BAG3: variants seen among roughly 807,000 people sequenced by gnomAD.
The protein encoded by BAG3 is BAG family molecular chaperone regulator 3.
Under a neutral mutation model 40.5 loss-of-function variants are expected in BAG3, and 14 were observed. That is an observed-to-expected ratio of 0.35 (90% CI 0.23 to 0.54). The LOEUF (loss-of-function observed/expected upper bound fraction) is 0.54, where lower values mean the gene tolerates loss of function less well. Ranked by LOEUF, BAG3 falls within the 20% of genes least tolerant of loss-of-function variation. The pLI is 0.91. For synonymous variants in BAG3, 302 were observed against 307.8 expected (o/e 0.98, Z 0.20); for missense variants, 788 against 758.6 (o/e 1.04, Z -0.46).
At chr10:119,657,878 C>T (rs944743779) in intron 1 of BAG3, among the ~76,000 whole-genome samples, 1 of 152,144 alleles carries the variant, frequency 6.6e-6, no homozygotes, top group South Asian at 2.1e-4. Flanking sequence ...AATTTTTTTT[C>T]GTGTGGCTGG....
intron 1 of BAG3, among the ~76,000 whole-genome samples, chr10:119,668,621 T>C (rs1368153044): frequency 6.6e-6 from 1 of 152,218 alleles, no homozygotes; most frequent in Non-Finnish European, 1.5e-5. Context: ...CTGGCCAGCC[T>C]TGTTGTCTGA....
At chr10:119,669,059 G>A (rs1296704005) in intron 1 of BAG3, among the ~76,000 whole-genome samples, 2 of 152,234 alleles carry the variant, frequency 1.3e-5, no homozygotes, top group East Asian at 3.8e-4. Flanking sequence ...CCTGGAGGCT[G>A]TGGAAGCTGA....
intron 1 of BAG3, among the ~76,000 whole-genome samples, chr10:119,664,477 T>C (rs550071813): frequency 6.6e-6 from 1 of 152,226 alleles, no homozygotes; most frequent in Admixed American, 6.5e-5. Context: ...GTATAATATG[T>C]GTTCCTGATG....
intron 1 of BAG3, among the ~76,000 whole-genome samples, chr10:119,661,454 A>T (rs907136912): frequency 9.2e-5 from 14 of 152,168 alleles, no homozygotes; most frequent in South Asian, 4.1e-4. Context: ...ACAGCTGGTG[A>T]GCATCAAGGA....
At position 119,662,823 on chromosome 10, in the gene BAG3, G is replaced by A. The variant is rs374205126; in HGVS notation, c.181-7028G>A. 2.4e-4 allele frequency among the ~76,000 whole-genome samples: 36 copies of A among 152,236 alleles called. No individual in the cohort carries two copies. The East Asian group carries it at 2.5e-3, about 11-fold the overall frequency. ...AGGTCAGGAGATCGAGACCATCCTGGCCAATATAGTGAAACCCCGTCTCTA... is the reference window on the plus strand; with the variant it reads ...AGGTCAGGAGATCGAGACCATCCTGACCAATATAGTGAAACCCCGTCTCTA... On this transcript the variant is annotated intron_variant, in intron 1 of 3. Transcript: ENST00000369085.
At position 119,676,916 on chromosome 10, in the gene BAG3, C is replaced by A. The variant is rs372417286; in HGVS notation, c.1362C>A (p.Ile454=). The A allele has an allele frequency of 6.2e-7, 1 of 1,613,974 alleles. No individual in the cohort carries two copies. The highest frequency in any genetic ancestry group is 1.3e-5 in the African/African-American group (1 of 74,884). Residue 454 remains isoleucine (I), a synonymous_variant, in exon 4 of 4, where the codon ATC becomes ATA. Transcript: ENST00000369085. ...GKKTDKKYLM[I]EEYLTKELLA... is the part of the protein sequence containing the mutation. ...AGACTGACAAAAAGTACCTGATGAT[C>A]GAAGAGTATTTGACCAAAGAGCTGC...
Position 119,672,142 on chromosome 10 carries a change from A to C in BAG3, c.508-113A>C. ...TTGAAAATTGAAAATTACAGATAGG[A>C]GGTCTTACAATATGGATTGCCCTGA... is the stretch of plus-strand genomic sequence containing the variant. On this transcript the variant is annotated intron_variant, in intron 2 of 3. Transcript: ENST00000369085. This position sits in a 1 kb window ranked among gnomAD's most constrained non-coding sequence, Gnocchi z 4.8. 7.3e-7 allele frequency: 1 copy of C among 1,375,638 alleles called. No homozygotes were observed. The highest frequency in any genetic ancestry group is 1.0e-6 in the Non-Finnish European group (1 of 978,352). 85.2% of individuals were successfully genotyped at this position (1,375,638 alleles called of 1,614,324 possible).
At chr10:119,660,573 C>A (rs558935959) in intron 1 of BAG3, among the ~76,000 whole-genome samples, 2 of 152,238 alleles carry the variant, frequency 1.3e-5, no homozygotes, top group Admixed American at 1.3e-4. Flanking sequence ...GAACAGGGCG[C>A]GGTGGCTCAC....
intron 1 of BAG3, among the ~76,000 whole-genome samples, chr10:119,661,633 T>C (rs1400843606): frequency 6.6e-6 from 1 of 152,038 alleles, no homozygotes; most frequent in African/African-American, 2.4e-5. Flanking sequence ...CAGGATAAAA[T>C]GTATATATAT....
intron 1 of BAG3, among the ~76,000 whole-genome samples, chr10:119,654,797 G>A (rs888584530): frequency 5.3e-5 from 8 of 152,190 alleles, no homozygotes; most frequent in Middle Eastern, 3.2e-3. Flanking sequence ...AACAGAGGCC[G>A]GATGTTCTGG....
At position 119,652,044 on chromosome 10, in the gene BAG3, C is replaced by T. The variant is rs576579239; in HGVS notation, c.180+189C>T. On this transcript the variant is annotated intron_variant, in intron 1 of 3. Coordinates refer to ENST00000369085, the MANE Select transcript of BAG3 (RefSeq NM_004281.4). ...GCCCGGACGAGTCCCCGCTCCGGAC[C>T]CGCCCTTGACAGGCGTCGGGGCGAA... 2.2e-3 allele frequency among the ~76,000 whole-genome samples: 329 copies of T among 152,120 alleles called. 1 individual carries two copies. The highest frequency in any genetic ancestry group is 7.6e-3 in the African/African-American group (314 of 41,548).
rs387906876 is a variant in BAG3, at chr10:119,676,984, G to A, written c.1430G>A (p.Arg477His). ...SVDPEGRADV[R>H]QARRDGVRKV... ...GACCCCGAGGGACGAGCCGATGTGC[G>A]TCAGGCCAGGAGAGACGGTGTCAGG... The change falls in exon 4 of 4, where the codon CGT becomes CAT. Residue 477 changes from arginine (R) to histidine (H), a missense_variant. By Grantham distance (29) the Arg-to-His change is conservative. Coordinates refer to ENST00000369085, the MANE Select transcript of BAG3 (RefSeq NM_004281.4). The A allele has an allele frequency of 1.2e-6, 2 of 1,614,196 alleles. No individual in the cohort carries two copies. Among genetic ancestry groups the A allele is most frequent in the Non-Finnish European group, 1.7e-6 (2 of 1,180,036 alleles).
chr10:119,652,075 G>T (rs948948012), intron 1 of BAG3, among the ~76,000 whole-genome samples: 1 of 152,086 alleles, frequency 6.6e-6, no homozygotes, highest in Non-Finnish European at 1.5e-5. Flanking sequence ...GCGAAAGGAG[G>T]CCCCGGGATT....
At position 119,672,577 on chromosome 10, in the gene BAG3, A is replaced by T. The variant is rs762471704; in HGVS notation, c.830A>T (p.Glu277Val). The change falls in exon 3 of 4, where the codon GAG becomes GTG. Residue 277 changes from glutamate (E) to valine (V), a missense_variant. Coordinates refer to ENST00000369085, the MANE Select transcript of BAG3 (RefSeq NM_004281.4). This position sits in a 1 kb window ranked among gnomAD's most constrained non-coding sequence, Gnocchi z 4.8. ...TCTGTCCAGGGTGCATCGAGCCGGG[A>T]GGGCTCACCAGCCAGGAGCAGCACG... ...RSSVQGASSREGSPARSSTPL... is the reference protein window; with the variant it reads ...RSSVQGASSRVGSPARSSTPL... 14 of 1,613,862 alleles carry T rather than the reference A, an allele frequency of 8.7e-6. No homozygotes were observed. In the South Asian group the frequency reaches 1.4e-4, roughly 16 times the overall value.
chr10:119,653,800 A>G (rs1009477455), intron 1 of BAG3, among the ~76,000 whole-genome samples: 3 of 152,332 alleles, frequency 2.0e-5, no homozygotes, highest in African/African-American at 2.4e-5. Context: ...GGAGAGAACT[A>G]GTGTCAGGAA....
chr10:119,655,605 T>G (rs1199201462), intron 1 of BAG3, among the ~76,000 whole-genome samples: 4 of 152,166 alleles, frequency 2.6e-5, no homozygotes, highest in African/African-American at 7.2e-5. Flanking sequence ...CGGAGCACAA[T>G]CAGGAAATGA....
intron 3 of BAG3, among the ~76,000 whole-genome samples, chr10:119,675,761 T>TTCCTTCCC (rs148952976): frequency 0.064 from 5,224 of 81,156 alleles, 477 homozygotes; most frequent in South Asian, 0.13. Context: ...CTTTCCTTCC[T>TTCCTTCCC]TCCTTCCCTC....
rs796515184 is a variant in BAG3, at chr10:119,677,585, CTT to C, written c.*306_*307del. The C allele has an allele frequency of 0.11, 50,997 of 468,474 alleles. 3,451 individuals carry two copies. The highest frequency in any genetic ancestry group is 0.27 in the East Asian group (6,442 of 24,282). The allele number at this position is 468,474 out of a possible 1,614,324, so 29.0% of individuals were successfully genotyped here. A position where few individuals can be genotyped will look rare whatever the true frequency, so the allele number is the denominator to read the frequency against. On this transcript the variant is annotated 3_prime_UTR_variant, in exon 4 of 4. Coordinates refer to ENST00000369085, the MANE Select transcript of BAG3 (RefSeq NM_004281.4). ...CCTGTTAGCTGTGGTTGTGCACTGT[CTT>C]TTGTAGCTCTGGACTGGAGGGGTAG...
At chr10:119,675,515 T>C (rs1259179127) in intron 3 of BAG3, among the ~76,000 whole-genome samples, 1 of 152,064 alleles carries the variant, frequency 6.6e-6, no homozygotes, top group East Asian at 1.9e-4. Context: ...AAAAAATACA[T>C]TGGTCTGGGC....
Sources: gnomAD v4.1 joint callset for allele counts (sites outside exome capture counted in the v4.1 genomes callset) on GRCh38, gnomAD v4.1.1 for gene constraint, Gnocchi (gnomAD v3.1) non-coding constraint, MANE v1.5 for transcripts, NCBI Gene and HGNC (gene_info 2026-07-23, HGNC 2026-07-21) for gene names.